RNF6: variants seen among roughly 807,000 people sequenced by gnomAD.
RNF6 encodes the protein E3 ubiquitin-protein ligase RNF6.
A neutral mutation model predicts 50.1 loss-of-function variants in RNF6; 21 were observed. That is an observed-to-expected ratio of 0.42 (90% CI 0.30 to 0.60). The LOEUF is 0.60. Among genes scored for constraint, RNF6 ranks in the 20% least tolerant of loss-of-function variants. The pLI is 0.20. For missense variants in RNF6, 698 were observed against 838.2 expected (o/e 0.83, Z 2.07); for synonymous variants, 255 against 291.8 (o/e 0.87, Z 1.29).
chr13:26,160,352 T>C (rs896854450), intron 5 of RNF6, among the ~76,000 whole-genome samples: 7 of 152,060 alleles, frequency 4.6e-5, no homozygotes, highest in African/African-American at 1.4e-4. Flanking sequence ...TTTTACAATT[T>C]TATAAGTTTA....
At chr13:26,191,149 T>G (rs185217893) in intron 5 of RNF6, among the ~76,000 whole-genome samples, 2 of 152,024 alleles carry the variant, frequency 1.3e-5, no homozygotes, top group East Asian at 3.9e-4. Flanking sequence ...AGGGCAGGAG[T>G]GGTTTAATCG....
chr13:26,141,766 A>G (rs6491112), intron 5 of RNF6, among the ~76,000 whole-genome samples: 4,742 of 152,204 alleles, frequency 0.031, 122 homozygotes, highest in Middle Eastern at 0.086. Flanking sequence ...AAAACCTGAA[A>G]CTATAAAAAT....
chr13:26,166,079 A>T (rs1282748154), intron 5 of RNF6, among the ~76,000 whole-genome samples: 1 of 152,140 alleles, frequency 6.6e-6, no homozygotes. Context: ...AGGTAATTGA[A>T]TCACAGGGGC....
Position 26,214,978 on chromosome 13 carries a change from T to C in RNF6, c.904A>G (p.Arg302Gly). 6.2e-7 allele frequency: 1 copy of C among 1,614,218 alleles called. No homozygotes were observed. Among genetic ancestry groups the C allele is most frequent in the Non-Finnish European group, 8.5e-7 (1 of 1,180,040 alleles). The change falls in exon 5 of 5, where the codon AGA (arginine) becomes GGA (glycine). Residue 302 changes from arginine (R) to glycine (G), a missense_variant. By Grantham distance (125) the Arg-to-Gly change is moderately radical. Coordinates refer to ENST00000381588, the MANE Select transcript of RNF6 (RefSeq NM_005977.4). ...CGACTATTGGAAGTAGATCGTAATC[T>C]TATTGGCTCTAATCTTTGGTTTGTA... ...RNTNQRLEPI[R>G]LRSTSNSRSR...
chr13:26,214,392 A>G lies in RNF6; in HGVS notation c.1490T>C (p.Leu497Pro). ...TTCTGACTCAGAATCGGCCTCCATTAGAGAACTCAGTTCTCCAAACCCAGT... is the reference window on the plus strand; with the variant it reads ...TTCTGACTCAGAATCGGCCTCCATTGGAGAACTCAGTTCTCCAAACCCAGT... The part of the protein sequence containing the change: ...IMTGFGELSS[L>P]MEADSESELQ... The change falls in exon 5 of 5, where the codon CTA becomes CCA. Residue 497 changes from leucine to proline, a missense_variant. By Grantham distance (98) the Leu-to-Pro change is moderately conservative (BLOSUM62 -3). Coordinates refer to ENST00000381588, the MANE Select transcript of RNF6 (RefSeq NM_005977.4). 6.2e-7 allele frequency: 1 copy of G among 1,614,184 alleles called. No individual in the cohort carries two copies. The highest frequency in any genetic ancestry group is 8.5e-7 in the Non-Finnish European group (1 of 1,180,046).
In RNF6 at chr13:26,218,549, G is replaced by A; in HGVS notation, c.251C>T (p.Ala84Val). 7 of 1,613,912 alleles carry A rather than the reference G, an allele frequency of 4.3e-6. No individual in the cohort carries two copies. The highest frequency in any genetic ancestry group is 5.9e-6 in the Non-Finnish European group (7 of 1,179,852). The change falls in exon 4 of 5, where the codon GCA becomes GTA. Residue 84 changes from alanine (A) to valine (V), a missense_variant. Ala to Val is a moderately conservative substitution (Grantham distance 64). Coordinates refer to ENST00000381588, the MANE Select transcript of RNF6 (RefSeq NM_005977.4). ...TCCATCTCTCAAGTCAGGCTGAGAT[G>A]CTAGTTGTTCCTTGACGCCATCTAA... ...QRLDGVKEQLASQPDLRDGTN... is the reference protein window; with the variant it reads ...QRLDGVKEQLVSQPDLRDGTN...
chr13:26,193,096 A>G (rs1227998254), intron 5 of RNF6, among the ~76,000 whole-genome samples: 1 of 152,220 alleles, frequency 6.6e-6, no homozygotes, highest in African/African-American at 2.4e-5. Context: ...TCAGGCAGAC[A>G]TACTAAGTTT....
At chr13:26,153,534 G>T (rs1871745231) in intron 5 of RNF6, among the ~76,000 whole-genome samples, 1 of 152,088 alleles carries the variant, frequency 6.6e-6, no homozygotes, top group African/African-American at 2.4e-5. Flanking sequence ...AGAATGGGTA[G>T]GATATAGATA....
At chr13:26,202,340 A>T (rs980775790) in intron 5 of RNF6, among the ~76,000 whole-genome samples, 6 of 152,248 alleles carry the variant, frequency 3.9e-5, no homozygotes, top group Non-Finnish European at 5.9e-5. Context: ...AGCATTTCCA[A>T]GGGGGTGCTG....
chr13:26,149,860 ATGTG>A (rs200739419), intron 5 of RNF6, among the ~76,000 whole-genome samples: 1 of 116,788 alleles, frequency 8.6e-6, no homozygotes, highest in African/African-American at 3.5e-5. Flanking sequence ...TGTATATATA[ATGTG>A]TGTGTGTATA....
At chr13:26,145,350 G>A (rs958871049) in intron 5 of RNF6, among the ~76,000 whole-genome samples, 3 of 151,818 alleles carry the variant, frequency 2.0e-5, no homozygotes, top group Non-Finnish European at 4.4e-5. Flanking sequence ...TCCTTGATGG[G>A]TGATCTGGTT....
chr13:26,151,547 G>A (rs908512801), intron 5 of RNF6, among the ~76,000 whole-genome samples: 2 of 151,540 alleles, frequency 1.3e-5, no homozygotes, highest in Non-Finnish European at 2.9e-5. Flanking sequence ...ATAGGCGCGA[G>A]CCACCGCGCC....
intron 5 of RNF6, among the ~76,000 whole-genome samples, chr13:26,143,879 G>A (rs928719915): frequency 3.3e-5 from 5 of 152,146 alleles, no homozygotes; most frequent in Non-Finnish European, 4.4e-5. Flanking sequence ...AATGTTGTAT[G>A]GAATACTATG....
intron 5 of RNF6, among the ~76,000 whole-genome samples, chr13:26,201,080 CAAAT>C (rs1164155440): frequency 6.6e-6 from 1 of 152,070 alleles, no homozygotes; most frequent in East Asian, 1.9e-4. Flanking sequence ...GCATGAATAG[CAAAT>C]AAAAAACACC....
At position 26,202,303 on chromosome 13, in the gene RNF6, T is replaced by A. The variant is rs531618178; in HGVS notation, n.768+13171A>T. Among the ~76,000 whole-genome samples, 5 of 152,268 alleles carry A rather than the reference T, an allele frequency of 3.3e-5. No homozygotes were observed. In the East Asian group the frequency reaches 7.7e-4, roughly 24 times the overall value. On this transcript the variant is annotated intron_variant and non_coding_transcript_variant, in intron 5 of 5. Transcript: ENST00000468480. ...GATAAAATGAAATGTGATACAAAAT[T>A]AAGATGATGTGCCAGTTATTATTCT...
At chr13:26,186,108 AT>A (rs1386567728) in intron 5 of RNF6, among the ~76,000 whole-genome samples, 1 of 152,238 alleles carries the variant, frequency 6.6e-6, no homozygotes, top group Non-Finnish European at 1.5e-5. Context: ...GGGAGTAAGA[AT>A]TCAGGTCATT....
At chr13:26,186,651 C>T (rs1593175152) in intron 5 of RNF6, among the ~76,000 whole-genome samples, 1 of 152,248 alleles carries the variant, frequency 6.6e-6, no homozygotes, top group African/African-American at 2.4e-5. Flanking sequence ...TCACAGGGCC[C>T]GCAGCGGCGC....
At chr13:26,210,374 T>C (rs1409205260), downstream of RNF6, among the ~76,000 whole-genome samples, 1 of 152,220 alleles carries the variant, frequency 6.6e-6, no homozygotes, top group Non-Finnish European at 1.5e-5. Context: ...TGTTCTTGTC[T>C]GGGAGTAATA....
chr13:26,172,739 T>C (rs1011405383), intron 5 of RNF6, among the ~76,000 whole-genome samples: 11 of 152,228 alleles, frequency 7.2e-5, no homozygotes, highest in Middle Eastern at 3.4e-3. Flanking sequence ...CAGATAAGGT[T>C]TCACTATGTT....
Sources: gnomAD v4.1 joint callset for allele counts (sites outside exome capture counted in the v4.1 genomes callset) on GRCh38, gnomAD v4.1.1 for gene constraint, MANE v1.5 for transcripts, NCBI Gene and HGNC (gene_info 2026-07-23, HGNC 2026-07-21) for gene names.